Variants in OTUD7B observed in about 807,000 individuals in gnomAD.
OTUD7B encodes OTU deubiquitinase 7B.
Under a neutral mutation model 82.2 loss-of-function variants are expected in OTUD7B, and 34 were observed. The ratio of observed to expected loss-of-function variants is 0.41; its 90% CI spans 0.31 to 0.55. The LOEUF is 0.55. Ranked by LOEUF, OTUD7B falls within the 20% of genes least tolerant of loss-of-function variation. The probability of loss-of-function intolerance (pLI) is 0.20; values close to 1 mark genes in which losing one functional copy is unlikely to be tolerated. For missense variants in OTUD7B, 944 were observed against 1,062.1 expected, an observed-to-expected ratio of 0.89 and a Z score of 1.55; for synonymous variants, 398 against 402.7, an observed-to-expected ratio of 0.99 and a Z score of 0.14.
At chr1:149,960,320 C>A (rs1404420427) in intron 6 of OTUD7B, among the ~76,000 whole-genome samples, 2 of 151,646 alleles carry the variant, frequency 1.3e-5, no homozygotes, top group African/African-American at 4.8e-5. Flanking sequence ...CATCCACTAC[C>A]ATCTGTATGG....
At chr1:150,013,318 G>C (rs1375191334), upstream of OTUD7B, among the ~76,000 whole-genome samples, 1 of 152,186 alleles carries the variant, frequency 6.6e-6, no homozygotes, top group Non-Finnish European at 1.5e-5. Flanking sequence ...AAAAACCAGA[G>C]CTTTGCATTT....
At chr1:149,947,516 A>C (rs1571589829) in intron 10 of OTUD7B, among the ~76,000 whole-genome samples, 181 bp from the exon 11 acceptor site, 1 of 152,208 alleles carries the variant, frequency 6.6e-6, no homozygotes, top group Non-Finnish European at 1.5e-5. Flanking sequence ...AACCTCCCTG[A>C]AACTCAGCTG....
chr1:149,972,792 A>G (rs1276717916), intron 2 of OTUD7B, among the ~76,000 whole-genome samples: 1 of 152,220 alleles, frequency 6.6e-6, no homozygotes, highest in Non-Finnish European at 1.5e-5. Context: ...AACGAGTGAC[A>G]TCTGCCTTGA....
chr1:149,983,397 T>C (rs1650922435), intron 1 of OTUD7B, among the ~76,000 whole-genome samples: 3 of 152,166 alleles, frequency 2.0e-5, no homozygotes, highest in Admixed American at 2.0e-4. Context: ...TCATCTAACA[T>C]TTCTGCCTTT....
At chr1:150,035,106 T>G in the OTUD7B span, among the ~76,000 whole-genome samples, 3 of 149,306 alleles carry the variant, frequency 2.0e-5, no homozygotes, top group East Asian at 5.9e-4. Context: ...ATCGCGCCAT[T>G]GCACTACAGC....
At chr1:150,043,471 GA>G in the OTUD7B span, among the ~76,000 whole-genome samples, 10 of 152,110 alleles carry the variant, frequency 6.6e-5, no homozygotes, top group Admixed American at 2.0e-4. Flanking sequence ...GTAGAAATTA[GA>G]AGGAGATAGA....
intron 6 of OTUD7B, 137 bp from the exon 7 acceptor site, chr1:149,959,933 ATC>A (rs1649015357): frequency 3.2e-6 from 2 of 625,500 alleles, no homozygotes; most frequent in Non-Finnish European, 5.8e-6. Flanking sequence ...ACAAAGTCAA[ATC>A]TCTTATCTCT....
chr1:149,977,999 T>A (rs1650443160), intron 1 of OTUD7B, among the ~76,000 whole-genome samples: 1 of 152,234 alleles, frequency 6.6e-6, no homozygotes, highest in African/African-American at 2.4e-5. Context: ...TGTCTAGCCA[T>A]CTCCTCTAAT....
At position 149,943,840 on chromosome 1, in the gene OTUD7B, T is replaced by A. The variant is rs587734358; in HGVS notation, c.*17A>T. Reference sequence around the variant, plus strand: ...TTAACTTTGTTTAGCCTCCTTGCCCTTCAGTGTTCCACCCGTTCAGAACCT... The same window carrying A: ...TTAACTTTGTTTAGCCTCCTTGCCCATCAGTGTTCCACCCGTTCAGAACCT... On this transcript the variant is annotated 3_prime_UTR_variant, in exon 12 of 12. Transcript: ENST00000581312. The A allele has an allele frequency of 3.1e-6, 5 of 1,611,300 alleles. No homozygotes were observed. In the South Asian group the frequency reaches 5.5e-5, roughly 18 times the overall value.
chr1:149,950,191 C>G lies in OTUD7B; in HGVS notation c.876G>C (p.Glu292Asp), dbSNP rs1648080021. ...CAAAGACGTGAAACTCTTCAAGGCTCTCATATACAGGCTCCTCAGAACTCT... is the reference window on the plus strand; with the variant it reads ...CAAAGACGTGAAACTCTTCAAGGCTGTCATATACAGGCTCCTCAGAACTCT... ...GVESSEEPVY[E>D]SLEEFHVFVL... Residue 292 changes from glutamate to aspartate, a missense_variant, in exon 8 of 12, where the codon GAG becomes GAC. This residue lies in a region of OTUD7B where 530 missense variants were observed against 625.6 expected (regional missense o/e 0.85). Coordinates refer to ENST00000581312, the MANE Select transcript of OTUD7B (RefSeq NM_020205.4). 6.2e-7 allele frequency: 1 copy of G among 1,614,020 alleles called. No individual in the cohort carries two copies. Among genetic ancestry groups the G allele is most frequent in the Non-Finnish European group, 8.5e-7 (1 of 1,180,030 alleles).
the OTUD7B span, among the ~76,000 whole-genome samples, chr1:150,044,680 AATAATG>A: frequency 1.2e-4 from 18 of 149,608 alleles, no homozygotes; most frequent in African/African-American, 4.0e-4. Flanking sequence ...AAAAAATAAT[AATAATG>A]ATAATAATAA....
At chr1:150,004,795 A>G (rs1297101821) in intron 1 of OTUD7B, among the ~76,000 whole-genome samples, 2 of 151,982 alleles carry the variant, frequency 1.3e-5, no homozygotes, top group Non-Finnish European at 2.9e-5. Context: ...TTCAGCTCCA[A>G]TATGAAATGT....
chr1:150,005,838 A>C (rs587717954), intron 1 of OTUD7B, among the ~76,000 whole-genome samples: 4 of 152,362 alleles, frequency 2.6e-5, no homozygotes, highest in African/African-American at 9.6e-5. Context: ...AGATACTGTG[A>C]ATGAAGGCTC....
the OTUD7B span, among the ~76,000 whole-genome samples, chr1:150,023,333 G>A: frequency 1.3e-5 from 2 of 152,116 alleles, no homozygotes; most frequent in Admixed American, 6.5e-5. Context: ...AGAGATATAC[G>A]CACTCCCATG....
chr1:150,062,758 G>A, the OTUD7B span, among the ~76,000 whole-genome samples: 1 of 135,286 alleles, frequency 7.4e-6, no homozygotes, highest in Non-Finnish European at 1.5e-5. Flanking sequence ...TGTTGCCCAG[G>A]CTGGACTGCA....
intron 11 of OTUD7B, 40 bp from the exon 12 acceptor site, chr1:149,945,105 G>C (rs781868039): frequency 1.9e-6 from 3 of 1,583,318 alleles, no homozygotes; most frequent in African/African-American, 2.7e-5. Context: ...TATCCCAGCA[G>C]CCTGGGGTGG....
intron 1 of OTUD7B, among the ~76,000 whole-genome samples, chr1:149,980,918 T>G (rs1571682523): frequency 7.0e-6 from 1 of 142,224 alleles, no homozygotes. Context: ...GTGGCTGAGG[T>G]GGGAGGATTG....
At chr1:150,054,240 GCC>G in the OTUD7B span, 5 of 448,228 alleles carry the variant, frequency 1.1e-5, no homozygotes, top group East Asian at 2.5e-4. Context: ...AAGCTGTTGA[GCC>G]AAGGAAAAAA....
At chr1:150,015,738 AG>A in the OTUD7B span, among the ~76,000 whole-genome samples, 6 of 150,556 alleles carry the variant, frequency 4.0e-5, no homozygotes, top group Non-Finnish European at 7.4e-5. Flanking sequence ...TCAAGTAACC[AG>A]CCTGCTGTAC....
Sources: gnomAD v4.1 joint callset for allele counts (sites outside exome capture counted in the v4.1 genomes callset) on GRCh38, gnomAD v4.1.1 for gene constraint, gnomAD v4.1.1 regional missense constraint, MANE v1.5 for transcripts, NCBI Gene and HGNC (gene_info 2026-07-23, HGNC 2026-07-21) for gene names.